UCP2: variants seen among roughly 807,000 people sequenced by gnomAD.
The protein encoded by UCP2 is uncoupling protein 2.
Under a neutral mutation model 31.3 loss-of-function variants are expected in UCP2, and 27 were observed. That is an observed-to-expected ratio of 0.86 (90% confidence interval 0.64 to 1.19). The LOEUF (loss-of-function observed/expected upper bound fraction) is 1.19, where lower values mean the gene tolerates loss of function less well. UCP2 is among the 50% of genes most tolerant of loss of function. UCP2 has a pLI of 0.00. For synonymous variants in UCP2, 142 were observed against 157.4 expected, an observed-to-expected ratio of 0.90 and a Z score of 0.73; for missense variants, 377 against 413.5, an observed-to-expected ratio of 0.91 and a Z score of 0.76.
At chr11:73,975,744 T>C (rs1951333086) in intron 6 of UCP2, 73 bp from the exon 7 acceptor site, 1 of 1,554,710 alleles carries the variant, frequency 6.4e-7, no homozygotes, top group Admixed American at 1.7e-5. Context: ...ATTACTTAAG[T>C]AGCTACGAGT....
chr11:73,976,575 G>T, intron 6 of UCP2, 66 bp downstream of exon 6: 2 of 1,278,206 alleles, frequency 1.6e-6, no homozygotes, highest in South Asian at 1.2e-5. Context: ...GTGTCAGCTA[G>T]ACCCCCGCAC....
intron 1 of UCP2, among the ~76,000 whole-genome samples, chr11:73,982,205 C>T (rs1295072830): frequency 1.3e-5 from 2 of 152,160 alleles, no homozygotes; most frequent in Non-Finnish European, 2.9e-5. Flanking sequence ...AAGGTGGAGG[C>T]TCAAACGACA....
chr11:73,979,923 C>T (rs1166802984), intron 2 of UCP2: 2 of 152,112 alleles, frequency 1.3e-5, no homozygotes, highest in South Asian at 4.2e-4. Flanking sequence ...GCATTAGACT[C>T]CTCCTGGCCT....
chr11:73,978,520 A>T (rs1951400826), intron 2 of UCP2, 43 bp from the exon 3 acceptor site: 7 of 1,237,742 alleles, frequency 5.7e-6, no homozygotes, highest in Non-Finnish European at 7.9e-6. Flanking sequence ...CAATGTCCCC[A>T]GGCCCTCCCT....
At chr11:73,978,582 G>A in intron 2 of UCP2, 105 bp from the exon 3 acceptor site, 1 of 687,394 alleles carries the variant, frequency 1.5e-6, no homozygotes, top group Non-Finnish European at 2.4e-6. Flanking sequence ...CCCTCAGCAA[G>A]ACTCCAAGTG....
At chr11:73,981,372 G>C (rs45566236) in intron 2 of UCP2, 104 bp downstream of exon 2, 8,787 of 152,306 alleles carry the variant, frequency 0.058, 320 homozygotes, top group African/African-American at 0.088. Flanking sequence ...TCACTGTCGG[G>C]GGTGGGGATG....
intron 6 of UCP2, 44 bp from the exon 7 acceptor site, chr11:73,975,715 C>A (rs1283870979): frequency 1.9e-6 from 3 of 1,610,294 alleles, no homozygotes; most frequent in South Asian, 1.1e-5. Context: ...CTTCACCCAT[C>A]ATTCCAGAAG....
Position 73,978,142 on chromosome 11 carries a change from T to C in UCP2, c.127-46A>G, listed in dbSNP as rs1048876335. 3 of 1,613,942 alleles carry C rather than the reference T, an allele frequency of 1.9e-6. No individual in the cohort carries two copies. In the African/African-American group the frequency reaches 4.0e-5, roughly 22 times the overall value. On this transcript the variant is annotated intron_variant, in intron 3 of 7. Coordinates refer to ENST00000663595, the MANE Select transcript of UCP2 (RefSeq NM_003355.3). ...AGCTACAGGGATAAGCATGTTGCCC[T>C]TCCCACCTCCAGTCATCTCGATGCT...
Position 73,981,535 on chromosome 11 carries a change from G to C in UCP2, c.-159C>G, listed in dbSNP as rs11549045. ...GATCAAGCTTCTCTAAAGGTGTCCC[G>C]TTCTTCAAAGCTGCCAGTGGCTATC... On this transcript the variant is annotated 5_prime_UTR_variant, in exon 2 of 8. Transcript: ENST00000663595. The C allele has an allele frequency of 1.3e-5, 2 of 152,204 alleles. 1 individual carries two copies. The highest frequency in any genetic ancestry group is 4.8e-5 in the African/African-American group (2 of 41,436). The allele number at this position is 152,204 out of a possible 1,614,324, so 9.4% of individuals were successfully genotyped here.
At chr11:73,980,119 A>C (rs970447834) in intron 2 of UCP2, 2 of 152,302 alleles carry the variant, frequency 1.3e-5, no homozygotes, top group African/African-American at 4.8e-5. Context: ...ACCCTCCTCC[A>C]CTGCCCCAGG....
intron 1 of UCP2, among the ~76,000 whole-genome samples, chr11:73,982,303 CAGGCCGGACCCGGAGGCTCATGCCTA>C (rs1951472186): frequency 6.6e-6 from 1 of 152,232 alleles, no homozygotes; most frequent in African/African-American, 2.4e-5. Context: ...AGGATTAGCA[CAGGCCGGACCCGGAGGCTCATGCCTA>C]AAATTCTAGG....
At chr11:73,982,190 G>A (rs1371558757) in intron 1 of UCP2, among the ~76,000 whole-genome samples, 1 of 152,248 alleles carries the variant, frequency 6.6e-6, no homozygotes, top group Admixed American at 6.5e-5. Context: ...AAAGGAGGGA[G>A]TGAAAAGGTG....
rs11549045 is a variant in UCP2, at chr11:73,981,535, G to A, written c.-159C>T. 5,552 of 152,314 alleles carry A rather than the reference G, an allele frequency of 0.036. 136 individuals are homozygous for A. Among genetic ancestry groups the A allele is most frequent in the Middle Eastern group, 0.085 (25 of 294 alleles). 9.4% of individuals were successfully genotyped at this position (152,314 alleles called of 1,614,324 possible). A position where few individuals can be genotyped will look rare whatever the true frequency, so the allele number is the denominator to read the frequency against. On this transcript the variant is annotated 5_prime_UTR_variant, in exon 2 of 8. In the 5' UTR this introduces an upstream ATG that the reference lacks. Transcript: ENST00000663595. Reference sequence around the variant, plus strand: ...GATCAAGCTTCTCTAAAGGTGTCCCGTTCTTCAAAGCTGCCAGTGGCTATC... The same window carrying A: ...GATCAAGCTTCTCTAAAGGTGTCCCATTCTTCAAAGCTGCCAGTGGCTATC...
chr11:73,976,787 G>C lies in UCP2; in HGVS notation c.532+36C>G, dbSNP rs45614735. On this transcript the variant is annotated intron_variant, in intron 5 of 7. Transcript: ENST00000663595. ...CTGGGTGAGACCAGAGTATCGGGGA[G>C]GAGGAAAAGGGGAAGGGAAAACAAC... The C allele has an allele frequency of 3.1e-3, 5,024 of 1,614,194 alleles. 137 individuals carry two copies. The African/African-American group carries it at 0.06, about 19-fold the overall frequency.
chr11:73,979,318 G>A (rs184651935), intron 2 of UCP2, among the ~76,000 whole-genome samples: 2 of 152,168 alleles, frequency 1.3e-5, no homozygotes, highest in African/African-American at 2.4e-5. Context: ...AGGCTGAGGC[G>A]GGCGAATCAC....
chr11:73,974,905 G>GAAGTTGGTAGGTA lies in UCP2; in HGVS notation c.*101_*102insTACCTACCAACTT. On this transcript the variant is annotated 3_prime_UTR_variant, in exon 8 of 8. Coordinates refer to ENST00000663595, the MANE Select transcript of UCP2 (RefSeq NM_003355.3). Reference sequence around the variant, plus strand: ...CGGAAGGAAGAGGTGGGGAAAGAGGGAAGGAGAGAAGGGAAGGAGGGAAGA... The same window carrying GAAGTTGGTAGGTA: ...CGGAAGGAAGAGGTGGGGAAAGAGGGAAGTTGGTAGGTAAAGGAGAGAAGGGAAGGAGGGAAGA... The GAAGTTGGTAGGTA allele has an allele frequency of 1.0e-6, 1 of 969,924 alleles. No homozygotes were observed. The highest frequency in any genetic ancestry group is 1.6e-6 in the Non-Finnish European group (1 of 618,564). 60.1% of individuals were successfully genotyped at this position (969,924 alleles called of 1,614,324 possible).
chr11:73,977,148 C>T (rs1224731785), intron 4 of UCP2, 131 bp from the exon 5 acceptor site: 2 of 931,266 alleles, frequency 2.1e-6, no homozygotes, highest in South Asian at 1.7e-5. Context: ...TTTTGGCCTT[C>T]TACAAGCTCT....
rs368828929 is a variant in UCP2 at position 73,975,471 on chromosome 11, G to A, written c.815+20C>T. On this transcript the variant is annotated intron_variant, in intron 7 of 7. Transcript: ENST00000663595. ...CATAGCCAAGAGGCCTGAACTGGGT[G>A]GGGAGGACCAGAGGCTCACCCTTTG... The A allele has an allele frequency of 1.9e-6, 3 of 1,603,088 alleles. No individual in the cohort carries two copies. The highest frequency in any genetic ancestry group is 2.6e-6 in the Non-Finnish European group (3 of 1,173,834).
intron 2 of UCP2, chr11:73,978,764 C>A: frequency 2.9e-6 from 1 of 339,708 alleles, no homozygotes; most frequent in Non-Finnish European, 5.8e-6. Flanking sequence ...CTGGACCAGC[C>A]CTTTGTCTGC....
Sources: allele counts gnomAD v4.1 joint callset (sites outside exome capture counted in the v4.1 genomes callset), GRCh38; gene constraint gnomAD v4.1.1; transcripts MANE v1.5; gene names NCBI Gene and HGNC (gene_info 2026-07-23, HGNC 2026-07-21).